The following PCDHB10 variants were observed in gnomAD, a reference collection of about 807,000 sequenced individuals.
PCDHB10 encodes protocadherin beta-10.
For missense variants in PCDHB10, 1,046 were observed against 1,004.7 expected, an observed-to-expected ratio of 1.04 and a Z score of -0.56; for synonymous variants, 448 against 449.2, an observed-to-expected ratio of 1.00 and a Z score of 0.04.
Position 141,195,121 on chromosome 5 carries a change from A to G in PCDHB10, c.*166A>G, listed in dbSNP as rs1754026585. 4.5e-6 allele frequency: 3 copies of G among 669,402 alleles called. No individual in the cohort carries two copies. The African/African-American group carries it at 5.6e-5, about 12-fold the overall frequency. 41.5% of individuals were successfully genotyped at this position (669,402 alleles called of 1,614,324 possible). ...TCATCATTTTTTTGCATTAATAACA[A>G]CTGGGTTTAATTTAATGAGTATTTT... On this transcript the variant is annotated 3_prime_UTR_variant, in exon 1 of 1. Coordinates refer to ENST00000239446, the MANE Select transcript of PCDHB10 (RefSeq NM_018930.4).
rs1753966640 is a variant in PCDHB10 at position 141,193,715 on chromosome 5, A to G, written c.1163A>G (p.Asn388Ser). Reference sequence around the variant, plus strand: ...AAGATGGTTTGCTACATTCAAGAGAATCTGCCATTCCTACTAAAACCTTCT... The same window carrying G: ...AAGATGGTTTGCTACATTCAAGAGAGTCTGCCATTCCTACTAAAACCTTCT... ...NGKMVCYIQE[N>S]LPFLLKPSVE... Residue 388 changes from asparagine (N) to serine (S), a missense_variant, in exon 1 of 1, where the codon AAT becomes AGT. Coordinates refer to ENST00000239446, the MANE Select transcript of PCDHB10 (RefSeq NM_018930.4). The G allele has an allele frequency of 2.5e-6, 4 of 1,614,044 alleles. No homozygotes were observed. The highest frequency in any genetic ancestry group is 3.4e-6 in the Non-Finnish European group (4 of 1,180,036).
At position 141,193,325 on chromosome 5, in the gene PCDHB10, G is replaced by T. The variant is rs1554284039; in HGVS notation, c.773G>T (p.Gly258Val). The T allele has an allele frequency of 8.7e-6, 14 of 1,614,080 alleles. No individual in the cohort carries two copies. The highest frequency in any genetic ancestry group is 1.2e-5 in the Non-Finnish European group (14 of 1,179,996). Residue 258 changes from glycine to valine, a missense_variant, in exon 1 of 1, where the codon GGG becomes GTG. Gly to Val is a moderately radical substitution (Grantham distance 109). Transcript: ENST00000239446. ...CAGGCTCCAGAAAACAGCCCCATTGGGTTCCTTATTGTTAAGGTATGGGCA... is the reference window on the plus strand; with the variant it reads ...CAGGCTCCAGAAAACAGCCCCATTGTGTTCCTTATTGTTAAGGTATGGGCA... ...ETQAPENSPI[G>V]FLIVKVWAED...
In PCDHB10 at chr5:141,193,216, A is replaced by G. The variant is rs1554284000; in HGVS notation, c.664A>G (p.Arg222Gly). The G allele has an allele frequency of 1.9e-6, 3 of 1,614,104 alleles. No homozygotes were observed. The highest frequency in any genetic ancestry group is 2.5e-6 in the Non-Finnish European group (3 of 1,180,026). ...AGCGCTGGATGGTGGGTCTCCATCC[A>G]GGTCTGGGACCTCTACTGTACGCAT... is the stretch of plus-strand genomic sequence containing the variant. ...LTALDGGSPS[R>G]SGTSTVRIVV... The change falls in exon 1 of 1, where the codon AGG becomes GGG. Residue 222 changes from arginine (R) to glycine (G), a missense_variant. By Grantham distance (125) the Arg-to-Gly change is moderately radical. Coordinates refer to ENST00000239446, the MANE Select transcript of PCDHB10 (RefSeq NM_018930.4).
rs146829020 is a variant in PCDHB10, at chr5:141,194,869, A to G, written c.2317A>G (p.Ile773Val). The G allele has an allele frequency of 3.5e-4, 557 of 1,613,944 alleles. 1 individual carries two copies. The highest frequency in any genetic ancestry group is 4.4e-4 in the Non-Finnish European group (519 of 1,180,022). ...TSEFKFLKPVISDIQAQGPGR... is the reference protein window; with the variant it reads ...TSEFKFLKPVVSDIQAQGPGR... Reference sequence around the variant, plus strand: ...TGAGTTCAAGTTCTTGAAACCAGTTATTTCGGATATTCAGGCACAGGGCCC... The same window carrying G: ...TGAGTTCAAGTTCTTGAAACCAGTTGTTTCGGATATTCAGGCACAGGGCCC... The change falls in exon 1 of 1, where the codon ATT becomes GTT. Residue 773 changes from isoleucine to valine, a missense_variant. Ile to Val is a conservative substitution (Grantham distance 29). Coordinates refer to ENST00000239446, the MANE Select transcript of PCDHB10 (RefSeq NM_018930.4).
In PCDHB10 at chr5:141,192,515, T is replaced by C. The variant is rs963038640; in HGVS notation, c.-38T>C. On this transcript the variant is annotated 5_prime_UTR_variant, in exon 1 of 1. Coordinates refer to ENST00000239446, the MANE Select transcript of PCDHB10 (RefSeq NM_018930.4). ...TGCTGTTCTTTTATGCTGGGAGCTG[T>C]GGCTGTAACCAACTAGGAAATAACG... 20 of 1,595,802 alleles carry C rather than the reference T, an allele frequency of 1.3e-5. No homozygotes were observed. The highest frequency in any genetic ancestry group is 1.7e-5 in the Non-Finnish European group (20 of 1,171,498).
At position 141,193,180 on chromosome 5, in the gene PCDHB10, T is replaced by C. The variant is rs1554283993; in HGVS notation, c.628T>C (p.Leu210=). The C allele has an allele frequency of 1.9e-6, 3 of 1,614,104 alleles. No individual in the cohort carries two copies. The highest frequency in any genetic ancestry group is 2.5e-6 in the Non-Finnish European group (3 of 1,180,024). The part of the protein sequence containing the change: ...LDREEQGELS[L]TLTALDGGSP... Reference sequence around the variant, plus strand: ...TCGGGAGGAGCAGGGAGAGCTCAGCTTAACCCTCACAGCGCTGGATGGTGG... The same window carrying C: ...TCGGGAGGAGCAGGGAGAGCTCAGCCTAACCCTCACAGCGCTGGATGGTGG... Residue 210 remains leucine (L), a synonymous_variant, in exon 1 of 1, where the codon TTA becomes CTA. Coordinates refer to ENST00000239446, the MANE Select transcript of PCDHB10 (RefSeq NM_018930.4).
At position 141,194,418 on chromosome 5, in the gene PCDHB10, G is replaced by C. The variant is rs372116572; in HGVS notation, c.1866G>C (p.Gly622=). Residue 622 remains glycine (G), a synonymous_variant, in exon 1 of 1, where the codon GGG becomes GGC. Coordinates refer to ENST00000239446, the MANE Select transcript of PCDHB10 (RefSeq NM_018930.4). ...PGLFGVWAHN[G]EVRTARLLSE... is the part of the protein sequence containing the mutation. ...TGTTCGGTGTGTGGGCGCACAATGG[G>C]GAGGTGCGCACCGCCAGGCTGCTGA... The C allele has an allele frequency of 3.8e-4, 603 of 1,602,762 alleles. 1 individual carries two copies. Among genetic ancestry groups the C allele is most frequent in the Middle Eastern group, 9.0e-4 (4 of 4,428 alleles).
Position 141,192,647 on chromosome 5 carries a change from G to A in PCDHB10, c.95G>A (p.Arg32His). The A allele has an allele frequency of 1.2e-6, 2 of 1,614,004 alleles. No individual in the cohort carries two copies. Among genetic ancestry groups the A allele is most frequent in the East Asian group, 2.2e-5 (1 of 44,884 alleles). Residue 32 changes from arginine (R) to histidine (H), a missense_variant, in exon 1 of 1, where the codon CGT becomes CAT. Transcript: ENST00000239446. Reference sequence around the variant, plus strand: ...TCCTTGGCAGGTTCTGGGTTTGGACGTTATTCGGTGACTGAGGAAACAGAG... The same window carrying A: ...TCCTTGGCAGGTTCTGGGTTTGGACATTATTCGGTGACTGAGGAAACAGAG... ...GVSLAGSGFGRYSVTEETEKG... is the reference protein window; with the variant it reads ...GVSLAGSGFGHYSVTEETEKG...
Position 141,192,908 on chromosome 5 carries a change from C to T in PCDHB10, c.356C>T (p.Ala119Val), listed in dbSNP as rs782681386. ...LMDDPFQIYRAELRVRDINDH... is the reference protein window; with the variant it reads ...LMDDPFQIYRVELRVRDINDH... ...GATGATCCCTTTCAGATTTACCGGG[C>T]TGAGCTGAGAGTCAGGGATATAAAT... The change falls in exon 1 of 1, where the codon GCT (alanine) becomes GTT (valine). Residue 119 changes from alanine (A) to valine (V), a missense_variant. Physicochemically the swap from Ala to Val is moderately conservative, Grantham distance 64 (BLOSUM62 0). Coordinates refer to ENST00000239446, the MANE Select transcript of PCDHB10 (RefSeq NM_018930.4). 5.6e-6 allele frequency: 9 copies of T among 1,613,870 alleles called. No individual in the cohort carries two copies. The African/African-American group carries it at 1.1e-4, about 19-fold the overall frequency.
chr5:141,193,003 G>C lies in PCDHB10; in HGVS notation c.451G>C (p.Ala151Pro). The change falls in exon 1 of 1, where the codon GCA (alanine) becomes CCA (proline). Residue 151 changes from alanine to proline, a missense_variant. Transcript: ENST00000239446. Reference sequence around the variant, plus strand: ...ATCAGAAAATACAGCTGAAGGGACAGCATTTAGACTAGAAAGAGCACAGGA... The same window carrying C: ...ATCAGAAAATACAGCTGAAGGGACACCATTTAGACTAGAAAGAGCACAGGA... ...KISENTAEGT[A>P]FRLERAQDPD... The C allele has an allele frequency of 3.1e-6, 5 of 1,614,188 alleles. No individual in the cohort carries two copies. Among genetic ancestry groups the C allele is most frequent in the Non-Finnish European group, 4.2e-6 (5 of 1,180,040 alleles).
In PCDHB10 at chr5:141,194,252, ACGGCTCCGCGC is replaced by A. The variant is rs1753993765; in HGVS notation, c.1702_1712del (p.Gly568LeufsTer174). 1 of 1,605,114 alleles carries A rather than the reference ACGGCTCCGCGC, an allele frequency of 6.2e-7. No individual in the cohort carries two copies. Among genetic ancestry groups the A allele is most frequent in the African/African-American group, 1.3e-5 (1 of 74,594 alleles). Reference sequence around the variant, plus strand: ...CCCTTCGTGCTGTACCCGCTGCAGAACGGCTCCGCGCCCTGCACCGAGCTGGTGCCCCGGGC... The same window carrying A: ...CCCTTCGTGCTGTACCCGCTGCAGAACCTGCACCGAGCTGGTGCCCCGGGC... On this transcript the variant is annotated frameshift_variant, in exon 1 of 1. Transcript: ENST00000239446. LOFTEE classifies it low-confidence loss of function (END_TRUNC).
rs147241878 is a variant in PCDHB10 at position 141,192,940 on chromosome 5, G to T, written c.388G>T (p.Ala130Ser). Residue 130 changes from alanine (A) to serine (S), a missense_variant, in exon 1 of 1, where the codon GCG becomes TCG. By Grantham distance (99) the Ala-to-Ser change is moderately conservative. Coordinates refer to ENST00000239446, the MANE Select transcript of PCDHB10 (RefSeq NM_018930.4). The stretch of plus-strand genomic sequence containing the variant: ...GAGAGTCAGGGATATAAATGATCAC[G>T]CGCCAGTATTTCAGGACAAAGAAAC... ...ELRVRDINDH[A>S]PVFQDKETVL... 3.8e-3 allele frequency: 6,201 copies of T among 1,614,042 alleles called. 21 individuals carry two copies. Among genetic ancestry groups the T allele is most frequent in the Non-Finnish European group, 4.9e-3 (5,773 of 1,180,010 alleles).
Position 141,192,973 on chromosome 5 carries a change from A to C in PCDHB10, c.421A>C (p.Lys141Gln). ...PVFQDKETVL[K>Q]ISENTAEGTA... is the part of the protein sequence containing the mutation. ...ATTTCAGGACAAAGAAACAGTCTTA[A>C]AAATATCAGAAAATACAGCTGAAGG... The change falls in exon 1 of 1, where the codon AAA (lysine) becomes CAA (glutamine). Residue 141 changes from lysine to glutamine, a missense_variant. Physicochemically the swap from Lys to Gln is moderately conservative, Grantham distance 53. Transcript: ENST00000239446. The C allele has an allele frequency of 6.2e-7, 1 of 1,614,214 alleles. No individual in the cohort carries two copies. Among genetic ancestry groups the C allele is most frequent in the Non-Finnish European group, 8.5e-7 (1 of 1,180,044 alleles).
rs1554283964 is a variant in PCDHB10 at position 141,193,100 on chromosome 5, G to T, written c.548G>T (p.Ser183Ile). The part of the protein sequence containing the change: ...SPNSFFHINI[S>I]GGDEGMIYPE... ...AACTCTTTTTTCCATATTAACATTAGTGGCGGTGATGAAGGCATGATATAT... is the reference window on the plus strand; with the variant it reads ...AACTCTTTTTTCCATATTAACATTATTGGCGGTGATGAAGGCATGATATAT... Residue 183 changes from serine (S) to isoleucine (I), a missense_variant, in exon 1 of 1, where the codon AGT becomes ATT. Transcript: ENST00000239446. 4 of 1,614,154 alleles carry T rather than the reference G, an allele frequency of 2.5e-6. No individual in the cohort carries two copies. In the Admixed American group the frequency reaches 6.7e-5, roughly 27 times the overall value.
In PCDHB10 at chr5:141,193,530, C is replaced by T; in HGVS notation, c.978C>T (p.Gly326=). The T allele has an allele frequency of 6.2e-7, 1 of 1,614,066 alleles. No homozygotes were observed. Among genetic ancestry groups the T allele is most frequent in the Non-Finnish European group, 8.5e-7 (1 of 1,180,000 alleles). The change falls in exon 1 of 1, where the codon GGC becomes GGT. Residue 326 remains glycine, a synonymous_variant. Coordinates refer to ENST00000239446, the MANE Select transcript of PCDHB10 (RefSeq NM_018930.4). ...KINIQAMDGG[G]LSARCRVLVE... ...ATATACAGGCAATGGACGGTGGAGGCCTTTCTGCAAGATGTAGGGTTTTAG... is the reference window on the plus strand; with the variant it reads ...ATATACAGGCAATGGACGGTGGAGGTCTTTCTGCAAGATGTAGGGTTTTAG...
In PCDHB10 at chr5:141,193,047, C is replaced by A. The variant is rs374857421; in HGVS notation, c.495C>A (p.Asn165Lys). The stretch of plus-strand genomic sequence containing the variant: ...CACAGGATCCAGATGGAGGACTTAA[C>A]GGTATCCAAAACTACACGATCAGCC... Reference protein sequence around the residue: ...ERAQDPDGGLNGIQNYTISPN... With the variant: ...ERAQDPDGGLKGIQNYTISPN... Residue 165 changes from asparagine to lysine, a missense_variant, in exon 1 of 1, where the codon AAC becomes AAA. Transcript: ENST00000239446. 9.9e-6 allele frequency: 16 copies of A among 1,614,040 alleles called. No homozygotes were observed. In the South Asian group the frequency reaches 1.6e-4, roughly 17 times the overall value.
In PCDHB10 at chr5:141,194,243, C is replaced by T; in HGVS notation, c.1691C>T (p.Pro564Leu). ...GACAACTCGCCCTTCGTGCTGTACC[C>T]GCTGCAGAACGGCTCCGCGCCCTGC... is the stretch of plus-strand genomic sequence containing the variant. ...ANDNSPFVLY[P>L]LQNGSAPCTE... The change falls in exon 1 of 1, where the codon CCG becomes CTG. Residue 564 changes from proline (P) to leucine (L), a missense_variant. Coordinates refer to ENST00000239446, the MANE Select transcript of PCDHB10 (RefSeq NM_018930.4). 4 of 1,605,446 alleles carry T rather than the reference C, an allele frequency of 2.5e-6. No individual in the cohort carries two copies. The highest frequency in any genetic ancestry group is 2.5e-6 in the Non-Finnish European group (3 of 1,178,276).
Position 141,195,101 on chromosome 5 carries a change from A to C in PCDHB10, c.*146A>C. ...CCCTGTGGTTTTACAATGTTTCATC[A>C]TTTTTTTGCATTAATAACAACTGGG... On this transcript the variant is annotated 3_prime_UTR_variant, in exon 1 of 1. Transcript: ENST00000239446. The C allele has an allele frequency of 1.3e-6, 1 of 784,076 alleles. No individual in the cohort carries two copies. Among genetic ancestry groups the C allele is most frequent in the Non-Finnish European group, 1.9e-6 (1 of 526,840 alleles). 48.6% of individuals were successfully genotyped at this position (784,076 alleles called of 1,614,324 possible).
chr5:141,193,881 C>G lies in PCDHB10; in HGVS notation c.1329C>G (p.Asp443Glu), dbSNP rs375569292. Residue 443 changes from aspartate (D) to glutamate (E), a missense_variant, in exon 1 of 1, where the codon GAC (aspartate) becomes GAG (glutamate). Transcript: ENST00000239446. ...ACAACATAACGGTCCTGGTCTCCGACGTCAATGACAACGCCCCCGCCTTCA... is the reference window on the plus strand; with the variant it reads ...ACAACATAACGGTCCTGGTCTCCGAGGTCAATGACAACGCCCCCGCCTTCA... ...TEHNITVLVS[D>E]VNDNAPAFTQ... 143 of 1,613,796 alleles carry G rather than the reference C, an allele frequency of 8.9e-5. No individual in the cohort carries two copies. Among genetic ancestry groups the G allele is most frequent in the Non-Finnish European group, 1.2e-4 (138 of 1,180,034 alleles).
Sources: gnomAD v4.1 joint callset for allele counts on GRCh38, gnomAD v4.1.1 for gene constraint, MANE v1.5 for transcripts, NCBI Gene and HGNC (gene_info 2026-07-23, HGNC 2026-07-21) for gene names.